PHACTR2: variants seen among roughly 807,000 people sequenced by gnomAD.
The protein encoded by PHACTR2 is phosphatase and actin regulator 2.
A neutral mutation model predicts 76.0 loss-of-function variants in PHACTR2; 30 were observed. The observed-to-expected ratio is 0.39, with a 90% CI of 0.30 to 0.54. PHACTR2 has a LOEUF of 0.54. PHACTR2 is among the 20% of genes least tolerant of loss of function. PHACTR2 has a pLI of 0.61. For missense variants in PHACTR2, 696 were observed against 781.1 expected, an observed-to-expected ratio of 0.89 and a Z score of 1.30; for synonymous variants, 292 against 292.5, an observed-to-expected ratio of 1.00 and a Z score of 0.02.
At chr6:143,669,252 TCTGTTCTTTTACATTTG>T (rs2128450313) in intron 1 of PHACTR2, among the ~76,000 whole-genome samples, 1 of 152,338 alleles carries the variant, frequency 6.6e-6, no homozygotes, top group East Asian at 1.9e-4. Flanking sequence ...TGTTGTGATT[TCTGTTCTTTTACATTTG>T]CTGAGGAGTG....
rs906598216 is a variant in PHACTR2, at chr6:143,698,030, G to C, written c.47-13986G>C. ...TGAAAACATTGGTGAATTGCAACTG[G>C]CTATTCTGAGGTTCTGTTACGGGCT... On this transcript the variant is annotated intron_variant, in intron 1 of 12. Coordinates refer to ENST00000440869, the MANE Select transcript of PHACTR2 (RefSeq NM_001100164.2). The surrounding 1 kb of genome is among the most constrained non-coding windows in gnomAD (Gnocchi z 4.3). Among the ~76,000 whole-genome samples the C allele has an allele frequency of 1.3e-5, 2 of 152,054 alleles. No homozygotes were observed. Among genetic ancestry groups the C allele is most frequent in the African/African-American group, 4.8e-5 (2 of 41,404 alleles).
At chr6:143,719,342 G>A (rs1043892054) in intron 2 of PHACTR2, among the ~76,000 whole-genome samples, 8 of 139,618 alleles carry the variant, frequency 5.7e-5, no homozygotes, top group African/African-American at 1.6e-4. Context: ...CTTTGTGTTC[G>A]ACACTTCTTT....
intron 2 of PHACTR2, among the ~76,000 whole-genome samples, chr6:143,745,935 T>C (rs931980041): frequency 6.6e-6 from 1 of 152,164 alleles, no homozygotes. Context: ...AGAGGGGGAA[T>C]TTTTAGTTTA....
chr6:143,693,399 G>A (rs1777694908), intron 1 of PHACTR2, among the ~76,000 whole-genome samples: 1 of 152,036 alleles, frequency 6.6e-6, no homozygotes, highest in South Asian at 2.1e-4. Context: ...CACCACACCT[G>A]GCTAATTTTT....
At chr6:143,674,627 C>A (rs1293240693), upstream of PHACTR2, among the ~76,000 whole-genome samples, 1 of 152,146 alleles carries the variant, frequency 6.6e-6, no homozygotes, top group African/African-American at 2.4e-5. This position sits in a 1 kb window ranked among gnomAD's most constrained non-coding sequence, Gnocchi z 4.9. Flanking sequence ...CCTTCCCTCC[C>A]ATCATAATTC....
intron 2 of PHACTR2, among the ~76,000 whole-genome samples, chr6:143,716,343 A>G (rs1313091119): frequency 6.6e-6 from 1 of 152,064 alleles, no homozygotes; most frequent in Admixed American, 6.5e-5. Flanking sequence ...GGAATCAGAA[A>G]GACTTGAACA....
rs893305411 is a variant in PHACTR2, at chr6:143,554,785, C to T, written c.217+17578C>T. The T allele has an allele frequency of 2.0e-5, 3 of 152,062 alleles. No homozygotes were observed. Among genetic ancestry groups the T allele is most frequent in the Non-Finnish European group, 4.4e-5 (3 of 68,004 alleles). 9.4% of individuals were successfully genotyped at this position (152,062 alleles called of 1,614,324 possible). On this transcript the variant is annotated intron_variant, in intron 1 of 11. Transcript: ENST00000367584. This position sits in a 1 kb window ranked among gnomAD's most constrained non-coding sequence, Gnocchi z 5.9. ...TAAGAGGTCAAAAGTGTAATTTTGT[C>T]TTTCCCTGATTACTATTGAACCTAG...
At chr6:143,744,862 C>T (rs529646328) in intron 2 of PHACTR2, among the ~76,000 whole-genome samples, 12 of 152,218 alleles carry the variant, frequency 7.9e-5, no homozygotes, top group East Asian at 3.9e-4. Context: ...TTAGAGTGTG[C>T]GCTGCTGTTA....
rs944077456 is a variant in PHACTR2 at position 143,684,111 on chromosome 6, A to G, written c.46+5902A>G. ...GTTCTTTGCATATGTATATGCTCTT[A>G]TGAACAATACTGAAATGAACATCCA... On this transcript the variant is annotated intron_variant, in intron 1 of 12. Transcript: ENST00000440869. This position sits in a 1 kb window ranked among gnomAD's most constrained non-coding sequence, Gnocchi z 4.3. 6.6e-6 allele frequency among the ~76,000 whole-genome samples: 1 copy of G among 152,112 alleles called. No individual in the cohort carries two copies. The highest frequency in any genetic ancestry group is 6.5e-5 in the Admixed American group (1 of 15,272).
At position 143,820,815 on chromosome 6, in the gene PHACTR2, T is replaced by A. The variant is rs779029949; in HGVS notation, c.1923-2859T>A. Among the ~76,000 whole-genome samples, 1 of 152,218 alleles carries A rather than the reference T, an allele frequency of 6.6e-6. No homozygotes were observed. The highest frequency in any genetic ancestry group is 1.5e-5 in the Non-Finnish European group (1 of 68,024). ...CCTTCCACACTGCCCTAGTAGAGGT[T>A]CTCTGTGGGGGCTGTGCCCTTCCAG... On this transcript the variant is annotated intron_variant, in intron 12 of 12. Transcript: ENST00000440869. The surrounding 1 kb of genome is among the most constrained non-coding windows in gnomAD (Gnocchi z 4.2).
In PHACTR2 at chr6:143,551,693, G is replaced by A. The variant is rs759238861; in HGVS notation, c.217+14486G>A. ...AGATACACCTTAGTATCAGAGTGTC[G>A]GTGGCGGCAATGATAATTATGAAGA... is the stretch of plus-strand genomic sequence containing the variant. On this transcript the variant is annotated intron_variant, in intron 1 of 11. Transcript: ENST00000367584. 1.6e-4 allele frequency among the ~76,000 whole-genome samples: 24 copies of A among 152,106 alleles called. 1 individual carries two copies. The highest frequency in any genetic ancestry group is 1.9e-4 in the African/African-American group (8 of 41,424).
chr6:143,785,869 A>G (rs892197420), intron 10 of PHACTR2, among the ~76,000 whole-genome samples: 1 of 152,238 alleles, frequency 6.6e-6, no homozygotes, highest in African/African-American at 2.4e-5. Context: ...CCTAGGCTGC[A>G]CACAGCACAG....
intron 1 of PHACTR2, among the ~76,000 whole-genome samples, chr6:143,538,925 C>T (rs1224732819): frequency 6.6e-6 from 1 of 152,136 alleles, no homozygotes; most frequent in South Asian, 2.1e-4. Context: ...TTTTTAACCA[C>T]CTGCTCTTGG....
rs1776903236 is a variant in PHACTR2, at chr6:143,659,120, A to G, written c.13+50798A>G. On this transcript the variant is annotated intron_variant, in intron 1 of 11. Transcript: ENST00000305766. This position sits in a 1 kb window ranked among gnomAD's most constrained non-coding sequence, Gnocchi z 5.0. Reference sequence around the variant, plus strand: ...GGAGGTTGCCCTAGGTAAGTCTGTGAGTGAGTGATGGGTGAATGTGAAAGC... The same window carrying G: ...GGAGGTTGCCCTAGGTAAGTCTGTGGGTGAGTGATGGGTGAATGTGAAAGC... Among the ~76,000 whole-genome samples the G allele has an allele frequency of 6.6e-6, 1 of 152,022 alleles. No homozygotes were observed. The highest frequency in any genetic ancestry group is 6.6e-5 in the Admixed American group (1 of 15,258).
intron 2 of PHACTR2, among the ~76,000 whole-genome samples, chr6:143,724,610 A>C (rs1283905836): frequency 6.6e-6 from 1 of 152,190 alleles, no homozygotes; most frequent in African/African-American, 2.4e-5. Context: ...GAGTTTCTAC[A>C]CAGTCCCAGA....
chr6:143,792,935 A>G (rs1026680772), intron 11 of PHACTR2, among the ~76,000 whole-genome samples: 1 of 152,216 alleles, frequency 6.6e-6, no homozygotes, highest in Admixed American at 6.5e-5. Flanking sequence ...AGACCAGCTC[A>G]AGCTTCAAGG....
intron 11 of PHACTR2, among the ~76,000 whole-genome samples, chr6:143,799,128 C>A (rs906838428): frequency 6.6e-6 from 1 of 152,030 alleles, no homozygotes; most frequent in African/African-American, 2.4e-5. Context: ...GGGTATGTGT[C>A]CAGGAATTTA....
rs774351587 is a variant in PHACTR2 at position 143,795,388 on chromosome 6, TG to T, written c.1845+6481del. On this transcript the variant is annotated intron_variant, in intron 11 of 12. Transcript: ENST00000440869. This position sits in a 1 kb window ranked among gnomAD's most constrained non-coding sequence, Gnocchi z 4.8. ...GTGATTGTGCCACTGCACTGCAGCC[TG>T]GGCAACAGAATGAGACCCTGTCTCT... 5.9e-5 allele frequency among the ~76,000 whole-genome samples: 9 copies of T among 152,352 alleles called. No individual in the cohort carries two copies. Among genetic ancestry groups the T allele is most frequent in the Middle Eastern group, 3.4e-3 (1 of 294 alleles).
rs1234429106 is a variant in PHACTR2 at position 143,753,564 on chromosome 6, T to C, written c.296-190T>C. Among the ~76,000 whole-genome samples the C allele has an allele frequency of 1.3e-5, 2 of 152,174 alleles. No individual in the cohort carries two copies. Among genetic ancestry groups the C allele is most frequent in the African/African-American group, 4.8e-5 (2 of 41,456 alleles). ...AAATGGCGCATAGATATTCCCTCCA[T>C]AGCAGCTTTTCCCCAAGACAGAGGA... On this transcript the variant is annotated intron_variant, in intron 3 of 12. Transcript: ENST00000440869. The surrounding 1 kb of genome is among the most constrained non-coding windows in gnomAD (Gnocchi z 4.6).
Sources: gnomAD v4.1 joint callset for allele counts (sites outside exome capture counted in the v4.1 genomes callset) on GRCh38, gnomAD v4.1.1 for gene constraint, Gnocchi (gnomAD v3.1) non-coding constraint, MANE v1.5 for transcripts, NCBI Gene and HGNC (gene_info 2026-07-23, HGNC 2026-07-21) for gene names.